The following RNLS variants were observed in gnomAD, a reference collection of about 807,000 sequenced individuals.
RNLS encodes renalase, FAD dependent amine oxidase.
In RNLS, 39 loss-of-function variants were observed where a neutral mutation model predicts 39.8. The observed-to-expected ratio is 0.98, with a 90% CI of 0.76 to 1.28. The LOEUF is 1.28. Among genes scored for constraint, RNLS ranks in the 50% most tolerant of loss-of-function variants. The probability of loss-of-function intolerance (pLI) is 0.00; values close to 1 mark genes in which losing one functional copy is unlikely to be tolerated. For synonymous variants in RNLS, 147 were observed against 150.7 expected (o/e 0.98, Z 0.18); for missense variants, 410 against 413.3 (o/e 0.99, Z 0.07).
chr10:88,395,892 G>A (rs375834653), intron 4 of RNLS, among the ~76,000 whole-genome samples: 3 of 152,022 alleles, frequency 2.0e-5, no homozygotes, highest in African/African-American at 4.8e-5. Context: ...ATTAGCAGCT[G>A]ATTTCTCATC....
intron 4 of RNLS, among the ~76,000 whole-genome samples, chr10:88,486,632 G>A (rs1391562755): frequency 6.6e-6 from 1 of 152,104 alleles, no homozygotes; most frequent in Non-Finnish European, 1.5e-5. Context: ...CTGATCACTA[G>A]AGAACTGCAA....
chr10:88,418,791 A>T (rs1465190350), intron 4 of RNLS, among the ~76,000 whole-genome samples: 1 of 152,202 alleles, frequency 6.6e-6, no homozygotes, highest in African/African-American at 2.4e-5. Context: ...ATATACTACA[A>T]ATGGTGTTTA....
chr10:88,377,241 T>TAC (rs202223419), intron 4 of RNLS, among the ~76,000 whole-genome samples: 63 of 42,080 alleles, frequency 1.5e-3, no homozygotes, highest in East Asian at 2.9e-3. Context: ...CACACACATA[T>TAC]ACACACACAC....
At chr10:88,348,963 G>A (rs777204815) in intron 5 of RNLS, among the ~76,000 whole-genome samples, 1 of 152,030 alleles carries the variant, frequency 6.6e-6, no homozygotes. Flanking sequence ...TGCAAATTAC[G>A]AGTGCAACAG....
At chr10:88,501,825 A>G (rs1157449399) in intron 4 of RNLS, among the ~76,000 whole-genome samples, 2 of 152,098 alleles carry the variant, frequency 1.3e-5, no homozygotes, top group African/African-American at 2.4e-5. Context: ...ATATTTCTCT[A>G]TATTTCCAAA....
the RNLS span, among the ~76,000 whole-genome samples, chr10:88,219,024 C>G: frequency 6.6e-6 from 1 of 152,220 alleles, no homozygotes; most frequent in African/African-American, 2.4e-5. Context: ...AGTATTTGCA[C>G]TACTTCTTGG....
chr10:88,479,793 C>CTTTTTTTT (rs11293313), intron 4 of RNLS, among the ~76,000 whole-genome samples: 1 of 139,324 alleles, frequency 7.2e-6, no homozygotes, highest in African/African-American at 2.7e-5. Context: ...TTCTTTTTTT[C>CTTTTTTTT]TTTTTTTTTT....
chr10:88,493,917 T>C (rs148500994), intron 4 of RNLS, among the ~76,000 whole-genome samples: 26 of 152,174 alleles, frequency 1.7e-4, no homozygotes, highest in East Asian at 1.5e-3. Context: ...ATAAACAAAA[T>C]GGAGAACACT....
the RNLS span, among the ~76,000 whole-genome samples, chr10:88,181,864 T>C: frequency 2.6e-5 from 4 of 152,274 alleles, no homozygotes; most frequent in South Asian, 2.1e-4. Context: ...GTTTTCTGTG[T>C]AGATGGAAAT....
In RNLS at chr10:88,285,182, T is replaced by C; in HGVS notation, c.*172A>G. ...TGAGGAATTTCCATTCTAGCATGGG[T>C]TGTAACTATCAAAATTACAAAATTG... On this transcript the variant is annotated 3_prime_UTR_variant, in exon 7 of 7. Transcript: ENST00000331772. 3.0e-6 allele frequency: 4 copies of C among 1,321,880 alleles called. No individual in the cohort carries two copies. Among genetic ancestry groups the C allele is most frequent in the Non-Finnish European group, 3.9e-6 (4 of 1,035,338 alleles). The allele number at this position is 1,321,880 out of a possible 1,614,324, so 81.9% of individuals were successfully genotyped here.
In RNLS at chr10:88,460,613, T is replaced by C. The variant is rs9971288; in HGVS notation, c.527-97888A>G. On this transcript the variant is annotated intron_variant, in intron 4 of 6. Transcript: ENST00000331772. ...GTGAAAGACAAGAGCATTCCTATATTGCTCATGTTCTATGCCTACTACAGT... is the reference window on the plus strand; with the variant it reads ...GTGAAAGACAAGAGCATTCCTATATCGCTCATGTTCTATGCCTACTACAGT... 8.1e-3 allele frequency among the ~76,000 whole-genome samples: 1,232 copies of C among 152,296 alleles called. 19 individuals carry two copies. Among genetic ancestry groups the C allele is most frequent in the African/African-American group, 0.027 (1,113 of 41,570 alleles).
chr10:88,201,444 T>A, the RNLS span, among the ~76,000 whole-genome samples: 1 of 152,140 alleles, frequency 6.6e-6, no homozygotes, highest in Non-Finnish European at 1.5e-5. Context: ...TGAGGTTCCA[T>A]GGTAAAAGTC....
chr10:88,181,168 G>A, the RNLS span, among the ~76,000 whole-genome samples: 1 of 152,190 alleles, frequency 6.6e-6, no homozygotes, highest in African/African-American at 2.4e-5. Context: ...AAAGATGGAG[G>A]CAGAAGCACA....
intron 6 of RNLS, 46 bp downstream of exon 6, chr10:88,314,420 C>A: frequency 6.3e-7 from 1 of 1,586,108 alleles, no homozygotes; most frequent in Non-Finnish European, 8.6e-7. Context: ...TTCTGTGAGC[C>A]TGTTAAGAAA....
At chr10:88,253,532 AG>A in the RNLS span, among the ~76,000 whole-genome samples, 1 of 152,178 alleles carries the variant, frequency 6.6e-6, no homozygotes, top group Non-Finnish European at 1.5e-5. Context: ...GGACGTCTGT[AG>A]GGCCTTTGGA....
chr10:88,388,255 G>T (rs958598398), intron 4 of RNLS, among the ~76,000 whole-genome samples: 1 of 152,068 alleles, frequency 6.6e-6, no homozygotes, highest in East Asian at 1.9e-4. Context: ...CTTGAATAAG[G>T]CTACTCTGTT....
the RNLS span, among the ~76,000 whole-genome samples, chr10:88,191,853 G>C: frequency 6.6e-6 from 1 of 152,068 alleles, no homozygotes; most frequent in East Asian, 1.9e-4. Flanking sequence ...GTAAAACGAG[G>C]TCTGAGATCT....
At chr10:88,273,400 G>A (rs1842705715), downstream of RNLS, among the ~76,000 whole-genome samples, 1 of 152,146 alleles carries the variant, frequency 6.6e-6, no homozygotes, top group Admixed American at 6.5e-5. Flanking sequence ...CTCACTTGAT[G>A]TTTTTTAGAA....
chr10:88,295,067 A>G (rs1420906329), intron 6 of RNLS, among the ~76,000 whole-genome samples: 1 of 152,158 alleles, frequency 6.6e-6, no homozygotes, highest in African/African-American at 2.4e-5. Context: ...ATTCTTTCTT[A>G]AAACAGTTGA....
Sources: gnomAD v4.1 joint callset for allele counts (sites outside exome capture counted in the v4.1 genomes callset) on GRCh38, gnomAD v4.1.1 for gene constraint, MANE v1.5 for transcripts, NCBI Gene and HGNC (gene_info 2026-07-23, HGNC 2026-07-21) for gene names.